The following GPR39 variants were observed in gnomAD, a reference collection of about 807,000 sequenced individuals.
GPR39 encodes G protein-coupled receptor 39.
GPR39 carries 23 observed loss-of-function variants against 18.4 expected under a neutral mutation model. The observed-to-expected ratio is 1.25, with a 90% CI of 0.90 to 1.77. GPR39 has a LOEUF of 1.77. Ranked by LOEUF, GPR39 falls within the 40% of genes most tolerant of loss-of-function variation. GPR39 has a pLI of 0.00. For missense variants in GPR39, 647 were observed against 602.4 expected (o/e 1.07, Z -0.78); for synonymous variants, 280 against 257.9 (o/e 1.09, Z -0.82).
At chr2:132,581,732 A>G (rs1294511095) in intron 1 of GPR39, among the ~76,000 whole-genome samples, 2 of 152,188 alleles carry the variant, frequency 1.3e-5, no homozygotes, top group African/African-American at 2.4e-5. Context: ...AAAGAAACCA[A>G]TTTGATCTTC....
intron 1 of GPR39, among the ~76,000 whole-genome samples, chr2:132,550,256 A>G (rs1034317867): frequency 6.6e-6 from 1 of 152,236 alleles, no homozygotes; most frequent in Non-Finnish European, 1.5e-5. Flanking sequence ...TTTTAAAAAG[A>G]GAAAATAGAT....
intron 1 of GPR39, among the ~76,000 whole-genome samples, chr2:132,439,847 TG>T: frequency 6.6e-6 from 1 of 152,208 alleles, no homozygotes; most frequent in Non-Finnish European, 1.5e-5. Flanking sequence ...GTTTGCTGCT[TG>T]TTTTTTAAAG....
intron 1 of GPR39, among the ~76,000 whole-genome samples, chr2:132,536,085 G>C (rs1284172825): frequency 6.7e-6 from 1 of 149,998 alleles, no homozygotes. Flanking sequence ...GTTCTGGTCT[G>C]ATCTTAGTTA....
chr2:132,618,651 A>C (rs62169709), intron 1 of GPR39, among the ~76,000 whole-genome samples: 143 of 152,336 alleles, frequency 9.4e-4, no homozygotes, highest in Non-Finnish European at 1.9e-3. Flanking sequence ...GGGAGGCCAC[A>C]CATGCACCAG....
At chr2:132,466,047 C>T (rs1428157181) in intron 1 of GPR39, among the ~76,000 whole-genome samples, 1 of 151,878 alleles carries the variant, frequency 6.6e-6, no homozygotes, top group Non-Finnish European at 1.5e-5. Context: ...ATTTTCTTTC[C>T]TTGCCAGCCT....
chr2:132,585,956 T>TTTTTTG (rs1553458362), intron 1 of GPR39, among the ~76,000 whole-genome samples: 7 of 139,392 alleles, frequency 5.0e-5, no homozygotes, highest in East Asian at 2.2e-4. Flanking sequence ...CGGTTTTTTT[T>TTTTTTG]TTTTTTTTTT....
At chr2:132,456,463 A>T (rs1363592860) in intron 1 of GPR39, among the ~76,000 whole-genome samples, 1 of 152,122 alleles carries the variant, frequency 6.6e-6, no homozygotes, top group Non-Finnish European at 1.5e-5. Flanking sequence ...TAATTGGGGC[A>T]TTTGGCCCAT....
intron 1 of GPR39, among the ~76,000 whole-genome samples, chr2:132,596,679 T>A (rs1680955601): frequency 6.6e-6 from 1 of 152,202 alleles, no homozygotes; most frequent in Non-Finnish European, 1.5e-5. Flanking sequence ...GGCCTCTACC[T>A]CTATTTTTCC....
Position 132,417,875 on chromosome 2 carries a change from G to C in GPR39, c.833G>C (p.Arg278Thr), listed in dbSNP as rs768338188. Residue 278 changes from arginine to threonine, a missense_variant, in exon 1 of 2, where the codon AGG becomes ACG. By Grantham distance (71) the Arg-to-Thr change is moderately conservative. Around this residue, in one of 3 missense-constraint regions of GPR39, gnomAD observed 581 missense variants for 506.8 expected, o/e 1.15. Transcript: ENST00000329321. The stretch of plus-strand genomic sequence containing the variant: ...GAGAGCGAAGAGAGCAGGACCGCCA[G>C]GAGGCAGACCATCATCTTCCTGAGT... Reference protein sequence around the residue: ...KSESEESRTARRQTIIFLRLI... With the variant: ...KSESEESRTATRQTIIFLRLI... The C allele has an allele frequency of 1.3e-6, 2 of 1,596,128 alleles. No individual in the cohort carries two copies. Among genetic ancestry groups the C allele is most frequent in the Non-Finnish European group, 1.7e-6 (2 of 1,173,036 alleles).
At chr2:132,506,256 C>T (rs974012409) in intron 1 of GPR39, among the ~76,000 whole-genome samples, 1 of 151,382 alleles carries the variant, frequency 6.6e-6, no homozygotes, top group Non-Finnish European at 1.5e-5. Flanking sequence ...GTTGTTTGTT[C>T]CTTTGCTGTT....
chr2:132,467,865 G>A (rs1680960181), intron 1 of GPR39, among the ~76,000 whole-genome samples: 1 of 152,178 alleles, frequency 6.6e-6, no homozygotes, highest in African/African-American at 2.4e-5. Context: ...CCCCTTTAGA[G>A]GGAGTCTGCT....
At chr2:132,533,472 C>G (rs912732020) in intron 1 of GPR39, among the ~76,000 whole-genome samples, 1 of 137,720 alleles carries the variant, frequency 7.3e-6, no homozygotes, top group African/African-American at 2.5e-5. Flanking sequence ...CAATGACTTT[C>G]TTCACAGAAT....
chr2:132,431,431 A>G (rs1218839251), intron 1 of GPR39, among the ~76,000 whole-genome samples: 1 of 152,224 alleles, frequency 6.6e-6, no homozygotes, highest in African/African-American at 2.4e-5. Flanking sequence ...AAGAAAGAAA[A>G]ACTAGTAAAA....
chr2:132,484,591 C>A (rs945306009), intron 1 of GPR39, among the ~76,000 whole-genome samples: 6 of 152,100 alleles, frequency 3.9e-5, no homozygotes, highest in African/African-American at 9.7e-5. Flanking sequence ...CTATCCCAAT[C>A]CATGTTAAGT....
At chr2:132,538,101 G>T (rs1353852780) in intron 1 of GPR39, among the ~76,000 whole-genome samples, 2 of 152,182 alleles carry the variant, frequency 1.3e-5, no homozygotes, top group East Asian at 3.9e-4. Flanking sequence ...GAGAAGTGTT[G>T]CAGTCATTCG....
At chr2:132,457,451 T>A (rs2104774821) in intron 1 of GPR39, among the ~76,000 whole-genome samples, 1 of 152,268 alleles carries the variant, frequency 6.6e-6, no homozygotes, top group Non-Finnish European at 1.5e-5. Context: ...GAGAAGTTTG[T>A]TATTACCGAC....
chr2:132,489,005 T>G (rs1354115789), intron 1 of GPR39: 1 of 161,942 alleles, frequency 6.2e-6, no homozygotes, highest in Non-Finnish European at 1.4e-5. Context: ...GAGTCTATCA[T>G]GGTTGCAGCC....
At chr2:132,565,550 CT>C (rs1680335597) in intron 1 of GPR39, among the ~76,000 whole-genome samples, 1 of 115,498 alleles carries the variant, frequency 8.7e-6, no homozygotes, top group African/African-American at 3.3e-5. Flanking sequence ...TCCCTCCCCC[CT>C]CCCCCCACCC....
chr2:132,618,488 A>G (rs1230837567), intron 1 of GPR39, among the ~76,000 whole-genome samples: 3 of 152,228 alleles, frequency 2.0e-5, no homozygotes, highest in Admixed American at 2.0e-4. Context: ...CAAATGTGAC[A>G]ATAGATGGAG....
Sources: allele counts gnomAD v4.1 joint callset (sites outside exome capture counted in the v4.1 genomes callset), GRCh38; gene constraint gnomAD v4.1.1; regional missense constraint gnomAD v4.1.1; transcripts MANE v1.5; gene names NCBI Gene and HGNC (gene_info 2026-07-23, HGNC 2026-07-21).